The following NECTIN3 variants were observed in gnomAD, a reference collection of about 807,000 sequenced individuals.
The protein encoded by NECTIN3 is nectin cell adhesion molecule 3, also known as nectin-3.
A neutral mutation model predicts 49.4 loss-of-function variants in NECTIN3; 8 were observed. The ratio of observed to expected loss-of-function variants is 0.16; its 90% CI spans 0.10 to 0.29. The LOEUF (loss-of-function observed/expected upper bound fraction) is 0.29, where lower values mean the gene tolerates loss of function less well. Ranked by LOEUF, NECTIN3 falls within the 10% of genes least tolerant of loss-of-function variation. The pLI, the probability that NECTIN3 is intolerant of heterozygous loss-of-function variation, is 1.00. For missense variants in NECTIN3, 581 were observed against 654.6 expected, an observed-to-expected ratio of 0.89 and a Z score of 1.23; for synonymous variants, 277 against 241.1, an observed-to-expected ratio of 1.15 and a Z score of -1.38.
intron 7 of NECTIN3, among the ~76,000 whole-genome samples, chr3:111,174,675 G>A (rs936620969): frequency 7.6e-5 from 11 of 144,156 alleles, no homozygotes; most frequent in African/African-American, 2.8e-4. Context: ...ATACAGCAGG[G>A]TTGTGGCTTG....
At chr3:111,140,506 T>G (rs980979840), downstream of NECTIN3, among the ~76,000 whole-genome samples, 2 of 109,368 alleles carry the variant, frequency 1.8e-5, no homozygotes, top group African/African-American at 8.7e-5. Context: ...TTATGTGGGG[T>G]TTTTTTGCCA....
chr3:111,098,156 AAACT>A (rs2032696698), intron 1 of NECTIN3, among the ~76,000 whole-genome samples: 1 of 152,348 alleles, frequency 6.6e-6, no homozygotes, highest in South Asian at 2.1e-4. Context: ...AAATACATCT[AAACT>A]AACACTGATT....
At chr3:111,110,863 T>C (rs914327275) in intron 1 of NECTIN3, among the ~76,000 whole-genome samples, 1 of 152,104 alleles carries the variant, frequency 6.6e-6, no homozygotes, top group African/African-American at 2.4e-5. Context: ...TTTTTGTTTT[T>C]GTTTATTCCT....
chr3:111,168,736 C>G (rs1233691933), intron 7 of NECTIN3, among the ~76,000 whole-genome samples: 2 of 152,174 alleles, frequency 1.3e-5, no homozygotes, highest in African/African-American at 4.8e-5. Flanking sequence ...AAGGAAAGTT[C>G]AGAGACTACC....
At chr3:111,092,527 T>C (rs534475902) in intron 1 of NECTIN3, among the ~76,000 whole-genome samples, 2 of 152,310 alleles carry the variant, frequency 1.3e-5, no homozygotes, top group South Asian at 4.1e-4. Flanking sequence ...TATCTAGTTG[T>C]TGCAGGACCA....
intron 1 of NECTIN3, among the ~76,000 whole-genome samples, chr3:111,100,880 A>G (rs868715022): frequency 3.9e-5 from 6 of 152,108 alleles, no homozygotes; most frequent in African/African-American, 9.7e-5. Context: ...AAGAACTGCA[A>G]TACCTCTCTA....
intron 4 of NECTIN3, among the ~76,000 whole-genome samples, chr3:111,125,275 C>T (rs758601425): frequency 1.3e-5 from 2 of 151,766 alleles, no homozygotes; most frequent in Non-Finnish European, 2.9e-5. Context: ...GTGATGTGCC[C>T]GCCTCGGCCT....
intron 2 of NECTIN3, among the ~76,000 whole-genome samples, chr3:111,114,469 A>T (rs1423669502): frequency 6.6e-6 from 1 of 152,122 alleles, no homozygotes; most frequent in Non-Finnish European, 1.5e-5. Context: ...CACTATAAAC[A>T]TGTAGTGGAG....
At chr3:111,086,855 T>C (rs2031962375) in intron 1 of NECTIN3, among the ~76,000 whole-genome samples, 1 of 152,180 alleles carries the variant, frequency 6.6e-6, no homozygotes, top group South Asian at 2.1e-4. Context: ...TTCCAATCCA[T>C]GAGCCTGTTT....
intron 5 of NECTIN3, among the ~76,000 whole-genome samples, chr3:111,144,462 GT>G (rs1242171762): frequency 6.6e-6 from 1 of 151,706 alleles, no homozygotes; most frequent in Non-Finnish European, 1.5e-5. Flanking sequence ...TGCACTTGAA[GT>G]TTTTCAATTT....
intron 1 of NECTIN3, 53 bp from the exon 2 acceptor site, chr3:111,111,977 G>A: frequency 1.6e-6 from 2 of 1,275,122 alleles, no homozygotes; most frequent in Non-Finnish European, 1.1e-6. Flanking sequence ...GGAGGAGAGT[G>A]TTGACCACTT....
At chr3:111,188,860 G>A (rs570818512), upstream of NECTIN3, among the ~76,000 whole-genome samples, 2 of 152,224 alleles carry the variant, frequency 1.3e-5, no homozygotes, top group Admixed American at 1.3e-4. Context: ...TTACCATTGG[G>A]AATTTTAAAT....
At chr3:111,115,217 CT>C (rs1282559395) in intron 2 of NECTIN3, among the ~76,000 whole-genome samples, 1 of 152,190 alleles carries the variant, frequency 6.6e-6, no homozygotes, top group African/African-American at 2.4e-5. Context: ...GAATCACCCC[CT>C]GTTGAGAGCC....
At chr3:111,081,797 G>A (rs192091951) in intron 1 of NECTIN3, among the ~76,000 whole-genome samples, 299 of 152,232 alleles carry the variant, frequency 2.0e-3, no homozygotes, top group South Asian at 1.7e-3. Flanking sequence ...ACTCTAGAAG[G>A]AATTAGTGTT....
intron 7 of NECTIN3, among the ~76,000 whole-genome samples, chr3:111,158,345 C>T (rs540859370): frequency 6.6e-6 from 1 of 152,142 alleles, no homozygotes; most frequent in South Asian, 2.1e-4. Flanking sequence ...AGTTTAAATT[C>T]ATTGGCACTT....
At chr3:111,144,641 G>C (rs2034830791) in intron 5 of NECTIN3, among the ~76,000 whole-genome samples, 1 of 151,696 alleles carries the variant, frequency 6.6e-6, no homozygotes, top group Non-Finnish European at 1.5e-5. Context: ...TACATATCGA[G>C]AATATATTCT....
chr3:111,188,178 C>A (rs1011202942), upstream of NECTIN3, among the ~76,000 whole-genome samples: 1 of 152,202 alleles, frequency 6.6e-6, no homozygotes, highest in Non-Finnish European at 1.5e-5. Context: ...AGAGCATGTA[C>A]TCATCTGCCA....
At chr3:111,115,809 T>C (rs748630742) in intron 2 of NECTIN3, among the ~76,000 whole-genome samples, 2 of 152,190 alleles carry the variant, frequency 1.3e-5, no homozygotes, top group Non-Finnish European at 2.9e-5. Context: ...ACAAGAACTA[T>C]TACAGAGGAA....
At chr3:111,120,543 A>G (rs1382866605) in intron 3 of NECTIN3, among the ~76,000 whole-genome samples, 2 of 152,110 alleles carry the variant, frequency 1.3e-5, no homozygotes, top group Admixed American at 6.6e-5. Flanking sequence ...TTACAAAAAT[A>G]TTTGTTAATC....
Sources: gnomAD v4.1 joint callset for allele counts (sites outside exome capture counted in the v4.1 genomes callset) on GRCh38, gnomAD v4.1.1 for gene constraint, MANE v1.5 for transcripts, NCBI Gene and HGNC (gene_info 2026-07-23, HGNC 2026-07-21) for gene names.